UPP2: variants seen among roughly 807,000 people sequenced by gnomAD.
The protein encoded by UPP2 is UPase 2.
A neutral mutation model predicts 26.7 loss-of-function variants in UPP2; 23 were observed. That is an observed-to-expected ratio of 0.86 (90% CI 0.62 to 1.22). The LOEUF (loss-of-function observed/expected upper bound fraction) is 1.22. UPP2 is among the 50% of genes most tolerant of loss of function. UPP2 has a pLI of 0.00. For missense variants in UPP2, 387 were observed against 396.7 expected (o/e 0.98, Z 0.21); for synonymous variants, 127 against 141.3 (o/e 0.90, Z 0.72).
Position 158,010,815 on chromosome 2 carries a change from G to C in UPP2, c.62-4986G>C, listed in dbSNP as rs1249172343. Among the ~76,000 whole-genome samples the C allele has an allele frequency of 5.3e-5, 8 of 149,686 alleles. No homozygotes were observed. In the East Asian group the frequency reaches 7.9e-4, roughly 15 times the overall value. ...GAGTCTCGCTCTGTCACCCAGGCTG[G>C]AGTGCAGTGGCACAATCTGGGCTCA... On this transcript the variant is annotated intron_variant, in intron 2 of 9. Transcript: ENST00000605860.
chr2:158,026,907 G>A (rs1020306764), intron 3 of UPP2, among the ~76,000 whole-genome samples: 11 of 152,108 alleles, frequency 7.2e-5, no homozygotes, highest in African/African-American at 1.4e-4. Context: ...ATGCAAAAGC[G>A]GAAACCCCTG....
intron 6 of UPP2, among the ~76,000 whole-genome samples, chr2:158,128,365 A>G (rs964390269): frequency 2.0e-5 from 3 of 152,220 alleles, no homozygotes; most frequent in African/African-American, 7.2e-5. Flanking sequence ...GACTCTGAGA[A>G]CTGCATGAGG....
At chr2:158,066,082 G>A in intron 3 of UPP2, 1 of 254,822 alleles carries the variant, frequency 3.9e-6, no homozygotes, top group Non-Finnish European at 7.7e-6. Context: ...TGGGGTCCCT[G>A]ATGCTATTGC....
intron 2 of UPP2, among the ~76,000 whole-genome samples, chr2:158,113,941 T>A (rs553519304): frequency 1.3e-5 from 2 of 152,346 alleles, no homozygotes; most frequent in African/African-American, 4.8e-5. Flanking sequence ...GGTTACCATT[T>A]GCACATCACT....
intron 3 of UPP2, among the ~76,000 whole-genome samples, chr2:158,018,896 G>C (rs1683702089): frequency 1.3e-5 from 2 of 152,096 alleles, no homozygotes; most frequent in Admixed American, 1.3e-4. Context: ...TAAAGGAGGT[G>C]GTAGACAAAT....
chr2:158,117,339 C>G (rs539581063), intron 3 of UPP2, among the ~76,000 whole-genome samples: 1 of 152,188 alleles, frequency 6.6e-6, no homozygotes, highest in African/African-American at 2.4e-5. Context: ...CGTTTCTACT[C>G]TAGTACCTTT....
At position 158,094,213 on chromosome 2, in the gene UPP2, G is replaced by A. The variant is rs189153275; in HGVS notation, c.148-7827G>A. Among the ~76,000 whole-genome samples, 194 of 151,956 alleles carry A rather than the reference G, an allele frequency of 1.3e-3. 1 individual carries two copies. The highest frequency in any genetic ancestry group is 4.5e-3 in the African/African-American group (186 of 41,464). On this transcript the variant is annotated intron_variant, in intron 3 of 9. Transcript: ENST00000605860. ...GTGAAGGTAATCTAAAGTAAGGAAG[G>A]TGACAGGGCTTTAATGAAATCTTTC...
chr2:158,094,807 C>A (rs1460366976), intron 3 of UPP2, among the ~76,000 whole-genome samples: 1 of 152,160 alleles, frequency 6.6e-6, no homozygotes, highest in East Asian at 1.9e-4. Context: ...TAGGACTGAA[C>A]CTTCCTTGAG....
intron 3 of UPP2, among the ~76,000 whole-genome samples, chr2:158,091,970 G>A (rs1016343893): frequency 6.6e-6 from 1 of 151,922 alleles, no homozygotes; most frequent in African/African-American, 2.4e-5. Flanking sequence ...ACAGGGTGGA[G>A]TAAATAATTG....
intron 2 of UPP2, among the ~76,000 whole-genome samples, chr2:158,004,630 C>A (rs1683461909): frequency 6.6e-6 from 1 of 152,132 alleles, no homozygotes; most frequent in Non-Finnish European, 1.5e-5. Context: ...TCCTCCTAGT[C>A]GGGGGAGATG....
At chr2:158,090,676 C>T (rs1001618840) in intron 3 of UPP2, among the ~76,000 whole-genome samples, 10 of 151,914 alleles carry the variant, frequency 6.6e-5, no homozygotes, top group Non-Finnish European at 1.2e-4. Context: ...AGCACGGCCA[C>T]GGACCCACAT....
chr2:158,002,084 A>G (rs978168265), intron 2 of UPP2, among the ~76,000 whole-genome samples: 5 of 152,046 alleles, frequency 3.3e-5, no homozygotes, highest in Non-Finnish European at 5.9e-5. Flanking sequence ...ATCTTTTACC[A>G]ATATAAAATT....
intron 6 of UPP2, among the ~76,000 whole-genome samples, chr2:158,131,366 G>T (rs1683815610): frequency 6.6e-6 from 1 of 151,876 alleles, no homozygotes; most frequent in African/African-American, 2.4e-5. Flanking sequence ...AATCAGAGAG[G>T]TGGGGTTAAA....
At chr2:158,039,127 A>C (rs1684048158) in intron 3 of UPP2, among the ~76,000 whole-genome samples, 1 of 152,204 alleles carries the variant, frequency 6.6e-6, no homozygotes, top group African/African-American at 2.4e-5. Flanking sequence ...GCGTGACGTA[A>C]GCCATAGTTG....
chr2:158,040,217 C>T (rs1684065496), intron 3 of UPP2, among the ~76,000 whole-genome samples: 1 of 150,908 alleles, frequency 6.6e-6, no homozygotes, highest in African/African-American at 2.5e-5. Flanking sequence ...TGACTCCACA[C>T]AAAAGCTTTC....
intron 3 of UPP2, among the ~76,000 whole-genome samples, chr2:158,061,329 C>A (rs1574268948): frequency 2.0e-5 from 3 of 152,284 alleles, no homozygotes; most frequent in Admixed American, 6.5e-5. Flanking sequence ...TCCCCTCACA[C>A]AAGGCCTTAG....
At chr2:158,037,461 T>A (rs994565155) in intron 3 of UPP2, among the ~76,000 whole-genome samples, 1 of 152,310 alleles carries the variant, frequency 6.6e-6, no homozygotes, top group African/African-American at 2.4e-5. Flanking sequence ...ACTGGATAGC[T>A]TAAAATCACA....
At chr2:158,001,595 A>C (rs1683408635) in intron 2 of UPP2, among the ~76,000 whole-genome samples, 1 of 152,182 alleles carries the variant, frequency 6.6e-6, no homozygotes, top group Non-Finnish European at 1.5e-5. Context: ...GAGAAGAGTG[A>C]TGAAGGGAAT....
At chr2:158,113,186 C>T (rs531885865) in intron 2 of UPP2, among the ~76,000 whole-genome samples, 1 of 152,280 alleles carries the variant, frequency 6.6e-6, no homozygotes, top group East Asian at 1.9e-4. Flanking sequence ...GCAATATCTA[C>T]AGTTCAAAGG....
Sources: allele counts gnomAD v4.1 joint callset (sites outside exome capture counted in the v4.1 genomes callset), GRCh38; gene constraint gnomAD v4.1.1; transcripts MANE v1.5; gene names NCBI Gene and HGNC (gene_info 2026-07-23, HGNC 2026-07-21).